The following DCLK2 variants were observed in gnomAD, a reference collection of about 807,000 sequenced individuals.
DCLK2 encodes doublecortin like kinase 2, also known as serine/threonine-protein kinase DCLK2.
Under a neutral mutation model 78.4 loss-of-function variants are expected in DCLK2, and 31 were observed. The ratio of observed to expected loss-of-function variants is 0.40; its 90% CI spans 0.30 to 0.53. The LOEUF (loss-of-function observed/expected upper bound fraction) is 0.53. Among genes scored for constraint, DCLK2 ranks in the 20% least tolerant of loss-of-function variants. The probability of loss-of-function intolerance (pLI) is 0.61; values close to 1 mark genes in which losing one functional copy is unlikely to be tolerated. For synonymous variants in DCLK2, 407 were observed against 374.9 expected, an observed-to-expected ratio of 1.09 and a Z score of -0.99; for missense variants, 872 against 973.7, an observed-to-expected ratio of 0.90 and a Z score of 1.39.
chr4:150,110,524 T>C (rs548588438), intron 2 of DCLK2, among the ~76,000 whole-genome samples: 66 of 152,150 alleles, frequency 4.3e-4, no homozygotes, highest in Non-Finnish European at 8.1e-4. Context: ...ACAGTGGTTT[T>C]TGGTTACATG....
intron 10 of DCLK2, among the ~76,000 whole-genome samples, chr4:150,236,140 C>A (rs1156536646): frequency 6.6e-6 from 1 of 152,194 alleles, no homozygotes; most frequent in Non-Finnish European, 1.5e-5. Context: ...GCATTCCTCG[C>A]ATTTTTTATT....
intron 2 of DCLK2, among the ~76,000 whole-genome samples, chr4:150,182,820 T>C (rs1470407734): frequency 2.6e-5 from 4 of 152,210 alleles, no homozygotes; most frequent in African/African-American, 4.8e-5. Flanking sequence ...CTGGACTTCC[T>C]TTCTGAGTTC....
intron 2 of DCLK2, among the ~76,000 whole-genome samples, chr4:150,141,429 G>T (rs1422397063): frequency 6.6e-6 from 1 of 152,156 alleles, no homozygotes; most frequent in Non-Finnish European, 1.5e-5. Context: ...TGAAAAGGGG[G>T]TTAAAAGGGA....
At chr4:150,198,647 T>C (rs1293821016) in intron 4 of DCLK2, among the ~76,000 whole-genome samples, 3 of 152,330 alleles carry the variant, frequency 2.0e-5, no homozygotes, top group Middle Eastern at 3.4e-3. Flanking sequence ...AAATTTGTCA[T>C]AATTTTGACT....
chr4:150,144,629 C>T (rs1375128041), intron 2 of DCLK2, among the ~76,000 whole-genome samples: 2 of 152,120 alleles, frequency 1.3e-5, no homozygotes, highest in Non-Finnish European at 2.9e-5. Context: ...CTCTGTTGCC[C>T]AGGCTGGAGT....
chr4:150,256,074 A>G lies in DCLK2; in HGVS notation c.2128A>G (p.Ser710Gly). The G allele has an allele frequency of 2.5e-6, 4 of 1,612,696 alleles. No homozygotes were observed. The highest frequency in any genetic ancestry group is 3.4e-6 in the Non-Finnish European group (4 of 1,179,848). ...TTTCTGCAGCAAGCACTGTCAAGAC[A>G]GCGGCAGGCCTGGGATGGAGCCCAT... ...QIFCSKHCQD[S>G]GRPGMEPISP... Residue 710 changes from serine (S) to glycine (G), a missense_variant, in exon 16 of 16, where the codon AGC (serine) becomes GGC (glycine). Coordinates refer to ENST00000296550, the MANE Select transcript of DCLK2 (RefSeq NM_001040260.4).
rs76239766 is a variant in DCLK2 at position 150,212,291 on chromosome 4, G to A, written c.1056+8402G>A. On this transcript the variant is annotated intron_variant, in intron 5 of 15. Coordinates refer to ENST00000296550, the MANE Select transcript of DCLK2 (RefSeq NM_001040260.4). The stretch of plus-strand genomic sequence containing the variant: ...GTGAAAGATTTTCCAGATTTGTGAA[G>A]TGTGATGAAAGGGCTGGTAGTATCT... 2.7e-3 allele frequency among the ~76,000 whole-genome samples: 404 copies of A among 152,328 alleles called. 3 individuals carry two copies. Among genetic ancestry groups the A allele is most frequent in the African/African-American group, 9.1e-3 (379 of 41,570 alleles).
Position 150,256,499 on chromosome 4 carries a change from G to C in DCLK2, c.*252G>C, listed in dbSNP as rs925965868. On this transcript the variant is annotated 3_prime_UTR_variant, in exon 16 of 16. Coordinates refer to ENST00000296550, the MANE Select transcript of DCLK2 (RefSeq NM_001040260.4). ...TGCCAACAGCTGTTCGGAGAGACTCGTTCCAGATCATCCCGTCATTTTCAG... is the reference window on the plus strand; with the variant it reads ...TGCCAACAGCTGTTCGGAGAGACTCCTTCCAGATCATCCCGTCATTTTCAG... 6.6e-6 allele frequency: 3 copies of C among 456,758 alleles called. No homozygotes were observed. Among genetic ancestry groups the C allele is most frequent in the African/African-American group, 6.2e-5 (3 of 48,742 alleles). 28.3% of individuals were successfully genotyped at this position (456,758 alleles called of 1,614,324 possible). A position where few individuals can be genotyped will look rare whatever the true frequency, so the allele number is the denominator to read the frequency against.
chr4:150,157,504 TG>T lies in DCLK2; in HGVS notation c.757-35633del, dbSNP rs751180094. 2.4e-3 allele frequency among the ~76,000 whole-genome samples: 354 copies of T among 150,122 alleles called. 2 individuals are homozygous for T. Among genetic ancestry groups the T allele is most frequent in the Non-Finnish European group, 3.8e-3 (258 of 67,346 alleles). Reference sequence around the variant, plus strand: ...GAGATGGTTTTTTTGTTTGTTTGTTTGTTTGTTTGTTTGTTTGTTTGTTTTT... The same window carrying T: ...GAGATGGTTTTTTTGTTTGTTTGTTTTTTGTTTGTTTGTTTGTTTGTTTTT... On this transcript the variant is annotated intron_variant, in intron 2 of 15. Transcript: ENST00000296550.
intron 15 of DCLK2, chr4:150,254,331 C>T (rs1031303129): frequency 5.3e-5 from 21 of 398,428 alleles, no homozygotes; most frequent in African/African-American, 4.3e-4. Flanking sequence ...CTGTTTCACT[C>T]GTGTTGCTTC....
At chr4:150,104,549 C>T (rs1731121617) in intron 2 of DCLK2, among the ~76,000 whole-genome samples, 1 of 151,624 alleles carries the variant, frequency 6.6e-6, no homozygotes, top group African/African-American at 2.4e-5. Context: ...GCACATGCAA[C>T]TAAAAATCAA....
intron 4 of DCLK2, chr4:150,198,919 C>CCG (rs1553967948): frequency 3.4e-5 from 21 of 617,344 alleles, no homozygotes; most frequent in Admixed American, 1.9e-4. Context: ...CACCCCCCCC[C>CCG]CCACTTTCTG....
intron 2 of DCLK2, among the ~76,000 whole-genome samples, chr4:150,177,653 A>G (rs1318411340): frequency 6.6e-6 from 1 of 152,248 alleles, no homozygotes; most frequent in Non-Finnish European, 1.5e-5. Flanking sequence ...TGAGGAATAG[A>G]TCGATGAGCC....
chr4:150,120,644 A>C (rs1163628753), intron 2 of DCLK2, among the ~76,000 whole-genome samples: 2 of 152,250 alleles, frequency 1.3e-5, no homozygotes, highest in African/African-American at 4.8e-5. Context: ...AAATAAAATG[A>C]ATATTGTAAT....
intron 2 of DCLK2, among the ~76,000 whole-genome samples, chr4:150,117,281 G>T (rs1308733076): frequency 6.6e-6 from 1 of 152,168 alleles, no homozygotes; most frequent in Admixed American, 6.5e-5. Context: ...GGCAAGGCAG[G>T]TCTCTCGTAG....
At chr4:150,181,726 A>G (rs573457871) in intron 2 of DCLK2, among the ~76,000 whole-genome samples, 1 of 151,926 alleles carries the variant, frequency 6.6e-6, no homozygotes, top group Non-Finnish European at 1.5e-5. Flanking sequence ...TTCTGTTTCC[A>G]TGGCAACCAC....
At chr4:150,247,559 A>G (rs12501888) in intron 12 of DCLK2, 44 bp from the exon 13 acceptor site, 72,935 of 1,575,844 alleles carry the variant, frequency 0.046, 2,631 homozygotes, top group East Asian at 0.22. Flanking sequence ...GAAAAATTCT[A>G]CGGTGACTTT....
chr4:150,080,752 A>T (rs977547615), intron 1 of DCLK2, among the ~76,000 whole-genome samples: 2 of 152,248 alleles, frequency 1.3e-5, no homozygotes, highest in African/African-American at 4.8e-5. Context: ...ATGGAGCCAC[A>T]TGGAGGAAAA....
rs539560505 is a variant in DCLK2 at position 150,178,333 on chromosome 4, G to A, written c.757-14805G>A. On this transcript the variant is annotated intron_variant, in intron 2 of 15. Coordinates refer to ENST00000296550, the MANE Select transcript of DCLK2 (RefSeq NM_001040260.4). ...AGTTTTGGCTGTATTTCAGGAACAG[G>A]TGCCTTTTAAACAGGAAAATTTAAT... Among the ~76,000 whole-genome samples, 6 of 152,284 alleles carry A rather than the reference G, an allele frequency of 3.9e-5. No homozygotes were observed. In the South Asian group the frequency reaches 1.2e-3, roughly 32 times the overall value.
Sources: gnomAD v4.1 joint callset for allele counts (sites outside exome capture counted in the v4.1 genomes callset) on GRCh38, gnomAD v4.1.1 for gene constraint, MANE v1.5 for transcripts, NCBI Gene and HGNC (gene_info 2026-07-23, HGNC 2026-07-21) for gene names.